TMIE: variants seen among roughly 807,000 people sequenced by gnomAD.
The protein encoded by TMIE is transmembrane inner ear, also known as transmembrane inner ear expressed protein.
TMIE carries 14 observed loss-of-function variants against 16.8 expected under a neutral mutation model. The ratio of observed to expected loss-of-function variants is 0.83; its 90% CI spans 0.55 to 1.30. The LOEUF is 1.30. TMIE is among the 50% of genes most tolerant of loss of function. TMIE has a pLI of 0.00. For synonymous variants in TMIE, 75 were observed against 87.2 expected (o/e 0.86, Z 0.78); for missense variants, 204 against 205.9 (o/e 0.99, Z 0.06).
At chr3:46,707,003 T>C (rs1245522040) in intron 2 of TMIE, among the ~76,000 whole-genome samples, 2 of 152,198 alleles carry the variant, frequency 1.3e-5, no homozygotes, top group Non-Finnish European at 2.9e-5. Context: ...GCACCAGAAG[T>C]GCTGTCCCAA....
chr3:46,698,655 G>A (rs376194562), upstream of TMIE, among the ~76,000 whole-genome samples: 167 of 152,194 alleles, frequency 1.1e-3, no homozygotes, highest in African/African-American at 3.8e-3. Flanking sequence ...GTTCACAGCC[G>A]GCAGTATGCT....
chr3:46,709,518 C>G (rs1274099809), intron 3 of TMIE, 61 bp from the exon 4 acceptor site: 11 of 1,613,872 alleles, frequency 6.8e-6, no homozygotes, highest in Non-Finnish European at 7.6e-6. Context: ...CCCCTCAGGA[C>G]AGTCAGACCC....
chr3:46,697,826 G>A (rs1285871497), upstream of TMIE, among the ~76,000 whole-genome samples: 1 of 151,932 alleles, frequency 6.6e-6, no homozygotes, highest in African/African-American at 2.4e-5. Flanking sequence ...TTGGCATTTA[G>A]GGAAAAAACC....
upstream of TMIE, among the ~76,000 whole-genome samples, chr3:46,699,637 C>T (rs527696769): frequency 3.3e-5 from 5 of 152,298 alleles, no homozygotes; most frequent in East Asian, 1.9e-4. Flanking sequence ...GTGGAACCCA[C>T]GCAGAGCAGT....
intron 1 of TMIE, among the ~76,000 whole-genome samples, chr3:46,705,469 G>C (rs575894319): frequency 6.6e-6 from 1 of 152,306 alleles, no homozygotes; most frequent in Non-Finnish European, 1.5e-5. Context: ...CCTGGGTGGA[G>C]CCCAGGACTG....
At chr3:46,699,060 A>ATTTTTTTTTTTTTTTTTTTTTTTT (rs397951323), upstream of TMIE, among the ~76,000 whole-genome samples, 1 of 84,854 alleles carries the variant, frequency 1.2e-5, no homozygotes, top group Non-Finnish European at 2.1e-5. Context: ...GGTGTTTCTT[A>ATTTTTTTTTTTTTTTTTTTTTTTT]TTTTTTTTTT....
At chr3:46,698,458 A>T (rs79751656), upstream of TMIE, among the ~76,000 whole-genome samples, 2 of 147,218 alleles carry the variant, frequency 1.4e-5, no homozygotes, top group East Asian at 2.0e-4. Flanking sequence ...ATACTGAATT[A>T]AAAAAAAAAA....
chr3:46,708,980 G>A (rs754535941), intron 2 of TMIE, 146 bp from the exon 3 acceptor site: 1 of 1,052,644 alleles, frequency 9.5e-7, no homozygotes, highest in Non-Finnish European at 1.4e-6. Flanking sequence ...GTCCACAGGG[G>A]TTTTGTCAAG....
chr3:46,709,049 GC>G, intron 2 of TMIE, 76 bp from the exon 3 acceptor site: 1 of 1,590,294 alleles, frequency 6.3e-7, no homozygotes, highest in Non-Finnish European at 8.6e-7. Flanking sequence ...ATGGGGGCGG[GC>G]CTGAAGGAAG....
intron 2 of TMIE, among the ~76,000 whole-genome samples, chr3:46,707,333 C>T (rs1205171218): frequency 6.6e-6 from 1 of 152,240 alleles, no homozygotes; most frequent in Non-Finnish European, 1.5e-5. Context: ...CCCCAAGCGG[C>T]ACTTGGACAT....
Position 46,709,243 on chromosome 3 carries a change from C to T in TMIE, c.329C>T (p.Pro110Leu), listed in dbSNP as rs1381666758. Residue 110 changes from proline to leucine, a missense_variant, in exon 3 of 4, where the codon CCA becomes CTA. Coordinates refer to ENST00000643606, the MANE Select transcript of TMIE (RefSeq NM_147196.3). ...TACACAGACAAGCTGGAGACTGTGC[C>T]ACCCCTCAATGAGCTCACAGAAGTC... Reference protein sequence around the residue: ...KMYTDKLETVPPLNELTEVPG... With the variant: ...KMYTDKLETVLPLNELTEVPG... The T allele has an allele frequency of 6.2e-7, 1 of 1,614,114 alleles. No individual in the cohort carries two copies. The highest frequency in any genetic ancestry group is 1.7e-5 in the Admixed American group (1 of 60,026).
At position 46,701,650 on chromosome 3, in the gene TMIE, G is replaced by C. The variant is rs113930188; in HGVS notation, c.93+70G>C. 1.9e-3 allele frequency: 2,284 copies of C among 1,175,428 alleles called. 37 individuals are homozygous for C. In the African/African-American group the frequency reaches 0.033, roughly 17 times the overall value. The allele number at this position is 1,175,428 out of a possible 1,614,324, so 72.8% of individuals were successfully genotyped here. ...GGCAGGGGGCTGGGGGAGAGGGGAC[G>C]CCTTTTTGATCCGGAGCTTGTTTGA... On this transcript the variant is annotated intron_variant, in intron 1 of 3. Coordinates refer to ENST00000643606, the MANE Select transcript of TMIE (RefSeq NM_147196.3). This position sits in a 1 kb window ranked among gnomAD's most constrained non-coding sequence, Gnocchi z 4.3.
Position 46,709,378 on chromosome 3 carries a change from G to A in TMIE, c.361+103G>A. On this transcript the variant is annotated intron_variant, in intron 3 of 3. Coordinates refer to ENST00000643606, the MANE Select transcript of TMIE (RefSeq NM_147196.3). The stretch of plus-strand genomic sequence containing the variant: ...GCTCCAACCAAAGCAGGTTCAGGGA[G>A]GGGCCCCAGCCCTGCCCCTGGAGAC... The A allele has an allele frequency of 1.9e-6, 3 of 1,603,292 alleles. No individual in the cohort carries two copies. The Middle Eastern group carries it at 5.5e-4, about 293-fold the overall frequency.
Position 46,710,127 on chromosome 3 carries a change from T to C in TMIE, c.*439T>C, listed in dbSNP as rs1194907740. On this transcript the variant is annotated 3_prime_UTR_variant, in exon 4 of 4. Coordinates refer to ENST00000643606, the MANE Select transcript of TMIE (RefSeq NM_147196.3). ...TGTGAGGCCACACCCAGAGTAGCCATGAGGAGGCAGAGAGGGTCACTGGGG... is the reference window on the plus strand; with the variant it reads ...TGTGAGGCCACACCCAGAGTAGCCACGAGGAGGCAGAGAGGGTCACTGGGG... 5 of 272,050 alleles carry C rather than the reference T, an allele frequency of 1.8e-5. No homozygotes were observed. Among genetic ancestry groups the C allele is most frequent in the Non-Finnish European group, 2.9e-5 (4 of 137,990 alleles). The allele number at this position is 272,050 out of a possible 1,614,324, so 16.9% of individuals were successfully genotyped here. A position where few individuals can be genotyped will look rare whatever the true frequency, so the allele number is the denominator to read the frequency against.
At position 46,709,821 on chromosome 3, in the gene TMIE, A is replaced by G. The variant is rs572024740; in HGVS notation, c.*133A>G. On this transcript the variant is annotated 3_prime_UTR_variant, in exon 4 of 4. Transcript: ENST00000643606. The stretch of plus-strand genomic sequence containing the variant: ...GAGAGGGAAGCTGAGGCCCATGGCC[A>G]CATCCTCATGGCCCATCAGGGGCAG... The G allele has an allele frequency of 3.2e-6, 5 of 1,538,474 alleles. No homozygotes were observed. In the African/African-American group the frequency reaches 6.8e-5, roughly 21 times the overall value.
chr3:46,695,641 G>A (rs113003242), intron 1 of TMIE, among the ~76,000 whole-genome samples: 1 of 152,190 alleles, frequency 6.6e-6, no homozygotes, highest in African/African-American at 2.4e-5. Context: ...GGTGGGGCAA[G>A]GCCCCGAGCA....
At chr3:46,705,044 G>A (rs1700533857) in intron 1 of TMIE, among the ~76,000 whole-genome samples, 1 of 151,910 alleles carries the variant, frequency 6.6e-6, no homozygotes, top group Admixed American at 6.5e-5. Flanking sequence ...CTCAGAACTG[G>A]GGCAGGACTG....
upstream of TMIE, chr3:46,701,247 GA>G: frequency 2.4e-6 from 1 of 420,914 alleles, no homozygotes; most frequent in Non-Finnish European, 4.2e-6. This position sits in a 1 kb window ranked among gnomAD's most constrained non-coding sequence, Gnocchi z 4.3. Flanking sequence ...TGGGGATGCG[GA>G]AGGTGGGGGC....
rs1193373161 is a variant in TMIE, at chr3:46,709,965, A to G, written c.*277A>G. 2 of 497,402 alleles carry G rather than the reference A, an allele frequency of 4.0e-6. No individual in the cohort carries two copies. Among genetic ancestry groups the G allele is most frequent in the Non-Finnish European group, 6.9e-6 (2 of 289,582 alleles). 30.8% of individuals were successfully genotyped at this position (497,402 alleles called of 1,614,324 possible). ...GGTGCCACCGTCCCTCTGCAGATAC[A>G]CTGCTCTCCCCACCCAGACCTGCCT... On this transcript the variant is annotated 3_prime_UTR_variant, in exon 4 of 4. Coordinates refer to ENST00000643606, the MANE Select transcript of TMIE (RefSeq NM_147196.3).
Sources: allele counts gnomAD v4.1 joint callset (sites outside exome capture counted in the v4.1 genomes callset), GRCh38; gene constraint gnomAD v4.1.1; non-coding constraint Gnocchi (gnomAD v3.1); transcripts MANE v1.5; gene names NCBI Gene and HGNC (gene_info 2026-07-23, HGNC 2026-07-21).